Variants in KLRG1 observed in about 807,000 individuals in gnomAD.
KLRG1 encodes killer cell lectin like receptor G1.
KLRG1 carries 16 observed loss-of-function variants against 21.8 expected under a neutral mutation model. The ratio of observed to expected loss-of-function variants is 0.73; its 90% confidence interval spans 0.50 to 1.11. The LOEUF is 1.11. KLRG1 is among the 50% of genes most tolerant of loss of function. The pLI is 0.00. For synonymous variants in KLRG1, 69 were observed against 75.9 expected, an observed-to-expected ratio of 0.91 and a Z score of 0.47; for missense variants, 173 against 218.3, an observed-to-expected ratio of 0.79 and a Z score of 1.31.
chr12:9,214,125 A>G, the KLRG1 span, among the ~76,000 whole-genome samples: 1 of 151,990 alleles, frequency 6.6e-6, no homozygotes, highest in East Asian at 1.9e-4. Context: ...ACCCTTTTCA[A>G]AAATAAACTG....
At chr12:9,212,058 G>A in the KLRG1 span, among the ~76,000 whole-genome samples, 9 of 152,314 alleles carry the variant, frequency 5.9e-5, no homozygotes, top group Non-Finnish European at 1.3e-4. Flanking sequence ...CCTTAGGAGG[G>A]CTCCTACTGG....
At chr12:9,160,198 G>T in the KLRG1 span, 1 of 1,142,832 alleles carries the variant, frequency 8.8e-7, no homozygotes, top group Non-Finnish European at 1.3e-6. Flanking sequence ...AGTGTGGGAA[G>T]ATTGTTGTTT....
the KLRG1 span, chr12:9,067,593 T>C: frequency 1.7e-6 from 1 of 599,896 alleles, no homozygotes; most frequent in South Asian, 1.8e-5. Flanking sequence ...GTATCATTTT[T>C]TTGTATTCTG....
chr12:9,069,908 G>A, the KLRG1 span: 1 of 1,031,088 alleles, frequency 9.7e-7, no homozygotes, highest in Admixed American at 1.9e-5. Context: ...ATAACCCTGA[G>A]GGTAGAATTC....
At chr12:9,115,652 G>T in the KLRG1 span, 1 of 774,714 alleles carries the variant, frequency 1.3e-6, no homozygotes, top group African/African-American at 1.8e-5. Context: ...AGGAATCTTA[G>T]AGATAAGAAG....
At chr12:8,958,543 A>T (rs1269948443) in intron 1 of KLRG1, among the ~76,000 whole-genome samples, 1 of 152,170 alleles carries the variant, frequency 6.6e-6, no homozygotes, top group Non-Finnish European at 1.5e-5. Flanking sequence ...TTTAAAAGCA[A>T]CCTGTCAATT....
the KLRG1 span, among the ~76,000 whole-genome samples, chr12:9,105,502 C>A: frequency 6.6e-6 from 1 of 152,144 alleles, no homozygotes; most frequent in Non-Finnish European, 1.5e-5. Flanking sequence ...TAGCTGAAAT[C>A]CTGTAACATT....
At chr12:9,021,735 A>G in the KLRG1 span, among the ~76,000 whole-genome samples, 77 of 152,298 alleles carry the variant, frequency 5.1e-4, no homozygotes, top group Admixed American at 1.1e-3. Flanking sequence ...AAGCATGCAC[A>G]TTAGCCTCGG....
chr12:8,993,128 A>G (rs1947026668), intron 2 of KLRG1, among the ~76,000 whole-genome samples: 1 of 146,846 alleles, frequency 6.8e-6, no homozygotes, highest in Non-Finnish European at 1.5e-5. Flanking sequence ...CACATTTTCT[A>G]AAACTAATTT....
chr12:9,214,526 A>G, the KLRG1 span, among the ~76,000 whole-genome samples: 3 of 152,068 alleles, frequency 2.0e-5, no homozygotes, highest in Non-Finnish European at 4.4e-5. Flanking sequence ...CCTTTGGCTT[A>G]ATTTTAATTG....
chr12:9,208,112 C>A, the KLRG1 span: 3 of 603,196 alleles, frequency 5.0e-6, no homozygotes, highest in Non-Finnish European at 9.0e-6. Flanking sequence ...AAATGAAAGA[C>A]AAACAAGGGA....
downstream of KLRG1, among the ~76,000 whole-genome samples, chr12:9,013,368 T>C (rs1448874947): frequency 6.6e-6 from 1 of 152,004 alleles, no homozygotes; most frequent in Non-Finnish European, 1.5e-5. Context: ...CCTCACCAAA[T>C]GAACTAAATA....
At chr12:9,004,891 G>A (rs759045235) in intron 3 of KLRG1, among the ~76,000 whole-genome samples, 1 of 152,158 alleles carries the variant, frequency 6.6e-6, no homozygotes, top group East Asian at 1.9e-4. Context: ...TAAGGAAAAT[G>A]ATATTTTAAA....
chr12:9,208,241 G>T, the KLRG1 span: 3 of 1,600,140 alleles, frequency 1.9e-6, no homozygotes, highest in Non-Finnish European at 2.6e-6. Context: ...GGAGGAAGGG[G>T]TCTTGAGTGA....
intron 3 of KLRG1, among the ~76,000 whole-genome samples, chr12:9,005,722 A>G (rs1011219344): frequency 6.6e-6 from 1 of 152,218 alleles, no homozygotes; most frequent in African/African-American, 2.4e-5. Context: ...CAATTTTTCC[A>G]TGGACCGTTG....
chr12:8,999,997 T>A (rs1413314362), intron 3 of KLRG1, among the ~76,000 whole-genome samples: 1 of 152,098 alleles, frequency 6.6e-6, no homozygotes, highest in South Asian at 2.1e-4. Context: ...ATCAGGCCAC[T>A]GCACTCCAGC....
the KLRG1 span, chr12:9,160,642 T>G: frequency 1.3e-6 from 1 of 762,890 alleles, no homozygotes; most frequent in Non-Finnish European, 2.1e-6. Context: ...CTAATAAGAA[T>G]AGCAGCTATC....
chr12:9,074,530 T>C, the KLRG1 span: 1 of 1,559,994 alleles, frequency 6.4e-7, no homozygotes. Flanking sequence ...TACCTGAAGG[T>C]GAAATAAAAG....
upstream of KLRG1, among the ~76,000 whole-genome samples, chr12:8,986,098 T>C (rs1305568523): frequency 1.3e-5 from 2 of 152,152 alleles, no homozygotes; most frequent in Non-Finnish European, 2.9e-5. Flanking sequence ...AATATATACA[T>C]ATGTATAATA....
Sources: gnomAD v4.1 joint callset for allele counts (sites outside exome capture counted in the v4.1 genomes callset) on GRCh38, gnomAD v4.1.1 for gene constraint, MANE v1.5 for transcripts, NCBI Gene and HGNC (gene_info 2026-07-23, HGNC 2026-07-21) for gene names.